SPATA6L: variants seen among roughly 807,000 people sequenced by gnomAD.
SPATA6L encodes spermatogenesis associated 6-like protein.
A neutral mutation model predicts 49.2 loss-of-function variants in SPATA6L; 68 were observed. The ratio of observed to expected loss-of-function variants is 1.38; its 90% CI spans 1.14 to 1.69. The LOEUF (loss-of-function observed/expected upper bound fraction) is 1.69, where lower values mean the gene tolerates loss of function less well. Among genes scored for constraint, SPATA6L ranks in the 40% most tolerant of loss-of-function variants. The probability of loss-of-function intolerance (pLI) is 0.00; values close to 1 mark genes in which losing one functional copy is unlikely to be tolerated. For missense variants in SPATA6L, 668 were observed against 464.3 expected (o/e 1.44, Z -4.03); for synonymous variants, 198 against 165.7 (o/e 1.19, Z -1.50).
intron 4 of SPATA6L, among the ~76,000 whole-genome samples, chr9:4,629,728 T>C (rs143273251): frequency 6.7e-6 from 1 of 148,534 alleles, no homozygotes; most frequent in Non-Finnish European, 1.5e-5. Context: ...CTTAGTACCA[T>C]ACTGTCTAAA....
At chr9:4,661,018 C>T (rs532379425) in intron 2 of SPATA6L, among the ~76,000 whole-genome samples, 11 of 152,070 alleles carry the variant, frequency 7.2e-5, no homozygotes, top group African/African-American at 2.7e-4. Flanking sequence ...ACATCACACA[C>T]AGGGGCCTGT....
intron 1 of SPATA6L, chr9:4,664,310 A>G (rs1840518192): frequency 6.0e-6 from 1 of 166,910 alleles, no homozygotes; most frequent in African/African-American, 2.4e-5. Flanking sequence ...TTCTCAATGC[A>G]AGAACATAAG....
chr9:4,643,807 C>G (rs1834605181), intron 3 of SPATA6L, among the ~76,000 whole-genome samples: 1 of 152,158 alleles, frequency 6.6e-6, no homozygotes, highest in Non-Finnish European at 1.5e-5. Context: ...GAGTTCGACA[C>G]CAGCCTGGCC....
At chr9:4,640,559 A>C (rs545970799) in intron 3 of SPATA6L, among the ~76,000 whole-genome samples, 1 of 152,248 alleles carries the variant, frequency 6.6e-6, no homozygotes, top group Non-Finnish European at 1.5e-5. Context: ...GTCCACAGGA[A>C]ACTTTAAGAA....
chr9:4,645,066 T>G (rs1217914582), intron 3 of SPATA6L, among the ~76,000 whole-genome samples: 3 of 152,212 alleles, frequency 2.0e-5, no homozygotes, highest in African/African-American at 7.2e-5. Context: ...AGACCTGTAT[T>G]TATGAATAAC....
At position 4,659,385 on chromosome 9, in the gene SPATA6L, GACAA is replaced by G. The variant is rs371101955; in HGVS notation, c.177+2510_177+2513del. ...CAAGCATTCCTATACACCAATAACA[GACAA>G]ACAGAGAGCGAAATCATGAGTGAAC... On this transcript the variant is annotated intron_variant, in intron 2 of 11. Coordinates refer to ENST00000682582, the MANE Select transcript of SPATA6L (RefSeq NM_001353486.2). Among the ~76,000 whole-genome samples the G allele has an allele frequency of 3.8e-3, 582 of 151,952 alleles. 5 individuals carry two copies. The highest frequency in any genetic ancestry group is 0.013 in the African/African-American group (547 of 41,360).
downstream of SPATA6L, chr9:4,596,394 G>C (rs911992232): frequency 6.6e-6 from 1 of 152,170 alleles, no homozygotes; most frequent in African/African-American, 2.4e-5. Flanking sequence ...ATAATGAAGA[G>C]TTCCCACCAT....
chr9:4,591,961 G>C (rs1185101464), intron 13 of SPATA6L, among the ~76,000 whole-genome samples: 1 of 152,114 alleles, frequency 6.6e-6, no homozygotes, highest in Non-Finnish European at 1.5e-5. Flanking sequence ...GGTATCCCCT[G>C]AGCCTCCCTG....
intron 9 of SPATA6L, among the ~76,000 whole-genome samples, chr9:4,609,666 G>A (rs1826185405): frequency 6.6e-6 from 1 of 151,282 alleles, no homozygotes; most frequent in African/African-American, 2.5e-5. Context: ...AGAGCTATCT[G>A]TGACAAACCC....
chr9:4,594,283 C>T (rs1459054746), downstream of SPATA6L, among the ~76,000 whole-genome samples: 3 of 152,220 alleles, frequency 2.0e-5, no homozygotes, highest in African/African-American at 7.2e-5. Context: ...GAACTCAGCT[C>T]ACTGCAAGCT....
rs377564315 is a variant in SPATA6L at position 4,632,153 on chromosome 9, G to A, written c.352-2985C>T. Among the ~76,000 whole-genome samples, 8 of 150,162 alleles carry A rather than the reference G, an allele frequency of 5.3e-5. No homozygotes were observed. In the East Asian group the frequency reaches 1.0e-3, roughly 19 times the overall value. On this transcript the variant is annotated intron_variant, in intron 4 of 11. Transcript: ENST00000682582. ...CTCCTGCCTCAGCATCTCAGTAGCCGGGATTACAGGTGTGCACCACCATGC... is the reference window on the plus strand; with the variant it reads ...CTCCTGCCTCAGCATCTCAGTAGCCAGGATTACAGGTGTGCACCACCATGC...
intron 3 of SPATA6L, 59 bp downstream of exon 3, chr9:4,655,982 A>G: frequency 7.6e-7 from 1 of 1,313,130 alleles, no homozygotes; most frequent in South Asian, 1.2e-5. Flanking sequence ...AGAGTTTTGA[A>G]TCTGTGAATT....
intron 3 of SPATA6L, among the ~76,000 whole-genome samples, chr9:4,647,548 T>G (rs1279349964): frequency 6.6e-6 from 1 of 152,132 alleles, no homozygotes. Context: ...GCCAAGATTG[T>G]GTACTGCACT....
intron 3 of SPATA6L, among the ~76,000 whole-genome samples, chr9:4,651,557 C>G (rs1836853336): frequency 6.6e-6 from 1 of 152,082 alleles, no homozygotes; most frequent in Non-Finnish European, 1.5e-5. Context: ...AACTACAGAC[C>G]AATATCTCTT....
rs961853516 is a variant in SPATA6L at position 4,662,180 on chromosome 9, C to T, written c.40-144G>A. The T allele has an allele frequency of 8.3e-6, 12 of 1,449,542 alleles. No homozygotes were observed. In the African/African-American group the frequency reaches 1.6e-4, roughly 19 times the overall value. The allele number at this position is 1,449,542 out of a possible 1,614,324, so 89.8% of individuals were successfully genotyped here. A position where few individuals can be genotyped will look rare whatever the true frequency, so the allele number is the denominator to read the frequency against. ...CTCCCTCACCTGTACCTCCCAACGC[C>T]AACATCCTCCCCTCTGCTCTCCTCA... On this transcript the variant is annotated intron_variant, in intron 1 of 11. Transcript: ENST00000682582. The surrounding 1 kb of genome is among the most constrained non-coding windows in gnomAD (Gnocchi z 4.9).
chr9:4,656,118 T>G (rs1405832488), intron 2 of SPATA6L, 29 bp from the exon 3 acceptor site: 2 of 1,594,508 alleles, frequency 1.3e-6, no homozygotes, highest in Non-Finnish European at 1.7e-6. Flanking sequence ...AAAATAAATT[T>G]TCAAAGTTGT....
In SPATA6L at chr9:4,635,418, A is replaced by C. The variant is rs1270823758; in HGVS notation, c.227-19T>G. ...TCCCACACTAGAAAGAAAATAGAAA[A>C]AGCATAAATATCTGTATTTACACCT... On this transcript the variant is annotated intron_variant, in intron 3 of 11. Transcript: ENST00000682582. The C allele has an allele frequency of 6.4e-7, 1 of 1,571,076 alleles. No homozygotes were observed. Among genetic ancestry groups the C allele is most frequent in the Admixed American group, 2.1e-5 (1 of 47,466 alleles).
intron 5 of SPATA6L, chr9:4,628,211 T>A (rs577836547): frequency 5.5e-6 from 1 of 180,364 alleles, no homozygotes; most frequent in South Asian, 1.1e-4. Context: ...GTGACTATAG[T>A]CGATAATAAT....
chr9:4,621,422 G>A (rs1299161233), intron 7 of SPATA6L, among the ~76,000 whole-genome samples: 1 of 151,726 alleles, frequency 6.6e-6, no homozygotes, highest in Non-Finnish European at 1.5e-5. Flanking sequence ...ACTGCACAAT[G>A]GAGTTTTCCA....
Sources: allele counts gnomAD v4.1 joint callset (sites outside exome capture counted in the v4.1 genomes callset), GRCh38; gene constraint gnomAD v4.1.1; non-coding constraint Gnocchi (gnomAD v3.1); transcripts MANE v1.5; gene names NCBI Gene and HGNC (gene_info 2026-07-23, HGNC 2026-07-21).